The following STAU2 variants were observed in gnomAD, a reference collection of about 807,000 sequenced individuals.
STAU2 encodes the protein staufen double-stranded RNA binding protein 2, also known as double-stranded RNA-binding protein Staufen homolog 2.
STAU2 carries 20 observed loss-of-function variants against 65.9 expected under a neutral mutation model. That is an observed-to-expected ratio of 0.30 (90% CI 0.21 to 0.44). The LOEUF is 0.44. STAU2 is among the 20% of genes least tolerant of loss of function. The probability of loss-of-function intolerance (pLI) is 1.00; values close to 1 mark genes in which losing one functional copy is unlikely to be tolerated. For missense variants in STAU2, 558 were observed against 683.9 expected (o/e 0.82, Z 2.05); for synonymous variants, 232 against 233.9 (o/e 0.99, Z 0.07).
chr8:73,496,393 T>G (rs1460665114), intron 13 of STAU2, among the ~76,000 whole-genome samples: 1 of 151,676 alleles, frequency 6.6e-6, no homozygotes, highest in African/African-American at 2.4e-5. Flanking sequence ...TGTATGTGTC[T>G]GTGTGTTGTA....
chr8:73,501,360 T>C (rs986822618), intron 13 of STAU2, among the ~76,000 whole-genome samples: 2 of 151,946 alleles, frequency 1.3e-5, no homozygotes, highest in African/African-American at 4.8e-5. Context: ...AGAAAACAGA[T>C]ATTAATAGCA....
intron 13 of STAU2, among the ~76,000 whole-genome samples, chr8:73,523,413 G>GT (rs1260697943): frequency 2.0e-5 from 3 of 151,844 alleles, no homozygotes; most frequent in African/African-American, 2.4e-5. Flanking sequence ...GAATCTGGCT[G>GT]TTTTTTTAAC....
rs528645987 is a variant in STAU2, at chr8:73,630,926, T to C, written c.411-13475A>G. 2.0e-5 allele frequency among the ~76,000 whole-genome samples: 3 copies of C among 152,356 alleles called. No homozygotes were observed. In the East Asian group the frequency reaches 5.8e-4, roughly 29 times the overall value. ...AGAATACCCTTAGCTGTGGTTATGCTGGCAGAATCTCTAGACTTTCATTTC... is the reference window on the plus strand; with the variant it reads ...AGAATACCCTTAGCTGTGGTTATGCCGGCAGAATCTCTAGACTTTCATTTC... On this transcript the variant is annotated intron_variant, in intron 6 of 14. Transcript: ENST00000524300.
intron 13 of STAU2, among the ~76,000 whole-genome samples, chr8:73,427,203 C>T (rs1816891395): frequency 6.6e-6 from 1 of 152,164 alleles, no homozygotes; most frequent in Non-Finnish European, 1.5e-5. Context: ...GCTAGGATTA[C>T]ATGCGTGAGC....
At chr8:73,635,618 A>C (rs559918879) in intron 6 of STAU2, among the ~76,000 whole-genome samples, 1 of 151,972 alleles carries the variant, frequency 6.6e-6, no homozygotes, top group Non-Finnish European at 1.5e-5. Context: ...TGAGGTCAGG[A>C]GTTTGAGACC....
chr8:73,636,139 G>C (rs1169580881), intron 6 of STAU2, among the ~76,000 whole-genome samples: 1 of 152,146 alleles, frequency 6.6e-6, no homozygotes, highest in Non-Finnish European at 1.5e-5. Flanking sequence ...AAGATTGCTT[G>C]AACCCAGGAG....
chr8:73,687,349 ATTT>A (rs1172004560), intron 5 of STAU2, among the ~76,000 whole-genome samples: 837 of 14,178 alleles, frequency 0.059, 16 homozygotes, highest in African/African-American at 0.15. Flanking sequence ...TATATTTATA[ATTT>A]ATATAATATA....
chr8:73,698,275 C>G (rs1282517251), intron 4 of STAU2, among the ~76,000 whole-genome samples: 1 of 151,852 alleles, frequency 6.6e-6, no homozygotes, highest in African/African-American at 2.4e-5. Context: ...CACCAGAAAA[C>G]AAATAACAAA....
At chr8:73,460,945 G>A (rs1478783638) in intron 13 of STAU2, among the ~76,000 whole-genome samples, 2 of 152,108 alleles carry the variant, frequency 1.3e-5, no homozygotes, top group East Asian at 3.9e-4. Flanking sequence ...GTAGCTCTGA[G>A]CTTCTGTTTC....
chr8:73,446,303 G>A (rs897677861), intron 13 of STAU2, among the ~76,000 whole-genome samples: 4 of 152,356 alleles, frequency 2.6e-5, no homozygotes, highest in African/African-American at 9.6e-5. Context: ...GTAGGTGTGA[G>A]GGGAGAATAG....
intron 13 of STAU2, among the ~76,000 whole-genome samples, chr8:73,472,597 C>T (rs1379348857): frequency 6.6e-6 from 1 of 151,934 alleles, no homozygotes; most frequent in Non-Finnish European, 1.5e-5. Context: ...GCTTAAGTGC[C>T]ATTTAAAATA....
intron 9 of STAU2, among the ~76,000 whole-genome samples, chr8:73,612,236 T>A (rs1359637880): frequency 6.6e-6 from 1 of 152,252 alleles, no homozygotes; most frequent in Non-Finnish European, 1.5e-5. Flanking sequence ...TTTATTATAG[T>A]ATTTGCATTA....
chr8:73,531,540 A>G (rs1261186841), intron 13 of STAU2, among the ~76,000 whole-genome samples: 2 of 152,186 alleles, frequency 1.3e-5, no homozygotes, highest in Non-Finnish European at 2.9e-5. Context: ...CATTTTACAT[A>G]CTCAACCAAT....
At chr8:73,452,404 C>T (rs1477455843) in intron 13 of STAU2, among the ~76,000 whole-genome samples, 1 of 152,214 alleles carries the variant, frequency 6.6e-6, no homozygotes, top group East Asian at 1.9e-4. Flanking sequence ...AAGCCCTGTC[C>T]TCCTTGGCTG....
intron 13 of STAU2, among the ~76,000 whole-genome samples, chr8:73,462,381 T>C (rs1433935911): frequency 2.0e-5 from 3 of 150,506 alleles, no homozygotes; most frequent in African/African-American, 7.4e-5. Context: ...GGATTAAAGG[T>C]GTGAGCCACC....
At chr8:73,508,106 CT>C (rs1175695338) in intron 13 of STAU2, among the ~76,000 whole-genome samples, 5 of 152,214 alleles carry the variant, frequency 3.3e-5, no homozygotes, top group Admixed American at 6.6e-5. Context: ...TGTGTATTCA[CT>C]GGAGTAACAC....
intron 13 of STAU2, among the ~76,000 whole-genome samples, chr8:73,467,550 T>C (rs564561747): frequency 6.6e-6 from 1 of 152,104 alleles, no homozygotes; most frequent in Non-Finnish European, 1.5e-5. Flanking sequence ...ATAAATAATT[T>C]AAAAAAATTG....
At chr8:73,540,106 CAA>C (rs1725185412) in intron 13 of STAU2, among the ~76,000 whole-genome samples, 1 of 151,914 alleles carries the variant, frequency 6.6e-6, no homozygotes, top group Non-Finnish European at 1.5e-5. Flanking sequence ...AAGATATATC[CAA>C]GTGTGTAGCC....
intron 12 of STAU2, among the ~76,000 whole-genome samples, chr8:73,560,173 C>G (rs1044122760): frequency 6.6e-6 from 1 of 150,820 alleles, no homozygotes; most frequent in African/African-American, 2.4e-5. Flanking sequence ...CTCTGCCTCC[C>G]GGGTTCACGC....
Sources: allele counts gnomAD v4.1 joint callset (sites outside exome capture counted in the v4.1 genomes callset), GRCh38; gene constraint gnomAD v4.1.1; transcripts MANE v1.5; gene names NCBI Gene and HGNC (gene_info 2026-07-23, HGNC 2026-07-21).